Variants in KLRG1 observed in about 807,000 individuals in gnomAD.
KLRG1 encodes the protein killer cell lectin like receptor G1.
A neutral mutation model predicts 21.8 loss-of-function variants in KLRG1; 16 were observed. The observed-to-expected ratio is 0.73, with a 90% CI of 0.50 to 1.11. KLRG1 has a LOEUF of 1.11. KLRG1 is among the 50% of genes most tolerant of loss of function. KLRG1 has a pLI of 0.00. For missense variants in KLRG1, 173 were observed against 218.3 expected (o/e 0.79, Z 1.31); for synonymous variants, 69 against 75.9 (o/e 0.91, Z 0.47).
At chr12:9,036,945 T>C in the KLRG1 span, 1 of 270,012 alleles carries the variant, frequency 3.7e-6, no homozygotes, top group Non-Finnish European at 7.8e-6. Context: ...GGGCAGAATT[T>C]GGAGGCTCAG....
the KLRG1 span, among the ~76,000 whole-genome samples, chr12:9,061,702 T>A: frequency 6.6e-6 from 1 of 152,222 alleles, no homozygotes; most frequent in Non-Finnish European, 1.5e-5. Context: ...TCGATCATGA[T>A]GGCAGGCAAT....
the KLRG1 span, among the ~76,000 whole-genome samples, chr12:9,074,391 C>G: frequency 1.3e-5 from 2 of 152,190 alleles, no homozygotes; most frequent in Non-Finnish European, 2.9e-5. Context: ...TTTTGGCCCT[C>G]TTTGACTTTG....
At chr12:9,063,402 T>C in the KLRG1 span, among the ~76,000 whole-genome samples, 3 of 152,218 alleles carry the variant, frequency 2.0e-5, no homozygotes, top group African/African-American at 7.2e-5. Context: ...CAGTGTATCA[T>C]ATTTCAAAAT....
At chr12:9,164,676 C>T in the KLRG1 span, among the ~76,000 whole-genome samples, 3 of 152,150 alleles carry the variant, frequency 2.0e-5, no homozygotes, top group African/African-American at 7.2e-5. Context: ...GAGAGGCTCC[C>T]GATCTTGAGG....
At chr12:8,974,389 G>A (rs1370128393) in intron 1 of KLRG1, among the ~76,000 whole-genome samples, 4 of 152,110 alleles carry the variant, frequency 2.6e-5, no homozygotes, top group African/African-American at 4.8e-5. Context: ...GGATGGTCTC[G>A]ATCTCCTGAC....
the KLRG1 span, chr12:9,090,513 A>C: frequency 3.1e-6 from 5 of 1,608,468 alleles, no homozygotes; most frequent in Non-Finnish European, 4.3e-6. Context: ...GGGAGTAGAG[A>C]GGGAAGGAGA....
chr12:9,160,301 C>G, the KLRG1 span: 11 of 1,586,870 alleles, frequency 6.9e-6, no homozygotes, highest in South Asian at 2.3e-5. Flanking sequence ...AAATTTTTCT[C>G]TGTCTCACTT....
At chr12:8,957,839 G>T (rs1352850592) in intron 1 of KLRG1, among the ~76,000 whole-genome samples, 1 of 152,158 alleles carries the variant, frequency 6.6e-6, no homozygotes, top group Non-Finnish European at 1.5e-5. Flanking sequence ...ACTCAGAACA[G>T]CATGCAATGT....
chr12:9,038,219 C>T, the KLRG1 span, among the ~76,000 whole-genome samples: 2 of 152,110 alleles, frequency 1.3e-5, no homozygotes, highest in Admixed American at 1.3e-4. Flanking sequence ...TGTGATTGTG[C>T]CACAGCACTC....
chr12:8,983,240 T>G (rs947678320), intron 1 of KLRG1, among the ~76,000 whole-genome samples: 1 of 152,118 alleles, frequency 6.6e-6, no homozygotes, highest in African/African-American at 2.4e-5. Flanking sequence ...GATACTTATT[T>G]TCTAAGAACT....
At chr12:9,215,275 G>C in the KLRG1 span, among the ~76,000 whole-genome samples, 14 of 151,880 alleles carry the variant, frequency 9.2e-5, no homozygotes, top group Admixed American at 9.2e-4. Flanking sequence ...TCAACTTTCA[G>C]ACTGTACCAG....
At chr12:9,208,699 A>C in the KLRG1 span, among the ~76,000 whole-genome samples, 1 of 152,224 alleles carries the variant, frequency 6.6e-6, no homozygotes, top group Non-Finnish European at 1.5e-5. Context: ...GCTGACAAAG[A>C]ATGTCAGGGA....
chr12:9,098,870 G>A, the KLRG1 span: 25 of 1,195,374 alleles, frequency 2.1e-5, no homozygotes, highest in Middle Eastern at 1.9e-4. Context: ...GCTTGACTTC[G>A]TGGAGGGTTG....
At chr12:8,977,002 G>T (rs1353886061) in intron 1 of KLRG1, among the ~76,000 whole-genome samples, 1 of 151,798 alleles carries the variant, frequency 6.6e-6, no homozygotes, top group African/African-American at 2.4e-5. Flanking sequence ...CTACCCGCCT[G>T]GGCCTCCCAA....
At chr12:9,007,523 G>A (rs7955340) in intron 3 of KLRG1, among the ~76,000 whole-genome samples, 48 of 152,132 alleles carry the variant, frequency 3.2e-4, no homozygotes, top group South Asian at 1.2e-3. Context: ...CACTAGCCTC[G>A]GCCTCCCTAA....
At chr12:9,101,317 G>T in the KLRG1 span, 1 of 1,373,462 alleles carries the variant, frequency 7.3e-7, no homozygotes, top group Non-Finnish European at 1.0e-6. Context: ...TTCACCTCAA[G>T]AGAAATCAAA....
At chr12:9,027,845 G>T in the KLRG1 span, 2 of 998,214 alleles carry the variant, frequency 2.0e-6, no homozygotes, top group African/African-American at 3.1e-5. Context: ...CACTACCAAA[G>T]TTGTCACTCC....
chr12:9,090,156 C>T, the KLRG1 span: 12 of 1,383,676 alleles, frequency 8.7e-6, no homozygotes, highest in African/African-American at 1.7e-4. Context: ...CGGAAACATG[C>T]AAATGAGAGG....
chr12:8,954,106 G>T (rs746792770), intron 1 of KLRG1, among the ~76,000 whole-genome samples: 25 of 152,300 alleles, frequency 1.6e-4, no homozygotes, highest in Non-Finnish European at 2.8e-4. Context: ...AGGCACATAA[G>T]ATGTTCCGAT....
Sources: allele counts gnomAD v4.1 joint callset (sites outside exome capture counted in the v4.1 genomes callset), GRCh38; gene constraint gnomAD v4.1.1; transcripts MANE v1.5; gene names NCBI Gene and HGNC (gene_info 2026-07-23, HGNC 2026-07-21).